GRIN2B: variants seen among roughly 807,000 people sequenced by gnomAD.
GRIN2B encodes the protein glutamate receptor ionotropic, NMDA 2B.
In GRIN2B, 5 loss-of-function variants were observed where a neutral mutation model predicts 114.5. The ratio of observed to expected loss-of-function variants is 0.04; its 90% CI spans 0.02 to 0.09. The LOEUF is 0.09. Among genes scored for constraint, GRIN2B ranks in the 10% least tolerant of loss-of-function variants. The pLI is 1.00. For missense variants in GRIN2B, 1,108 were observed against 1,943.5 expected (o/e 0.57, Z 8.08); for synonymous variants, 787 against 745.1 (o/e 1.06, Z -0.92).
chr12:13,921,218 G>A (rs1866817379), intron 2 of GRIN2B, among the ~76,000 whole-genome samples: 2 of 152,066 alleles, frequency 1.3e-5, no homozygotes, highest in Admixed American at 1.3e-4. Context: ...CCAATATGGT[G>A]AAACCCCATC....
chr12:13,873,692 C>T (rs1336573576), intron 2 of GRIN2B, among the ~76,000 whole-genome samples: 2 of 152,130 alleles, frequency 1.3e-5, no homozygotes, highest in Admixed American at 6.5e-5. Context: ...AGACTGTGCC[C>T]CTGTGAAACC....
chr12:13,643,527 CT>C, intron 5 of GRIN2B, among the ~76,000 whole-genome samples: 1 of 152,184 alleles, frequency 6.6e-6, no homozygotes, highest in Non-Finnish European at 1.5e-5. Context: ...GTAGTAGTTG[CT>C]GAAGAATGGG....
chr12:13,820,876 G>A (rs1158058844), intron 3 of GRIN2B, among the ~76,000 whole-genome samples: 1 of 152,036 alleles, frequency 6.6e-6, no homozygotes, highest in African/African-American at 2.4e-5. Context: ...CTACCAAGAA[G>A]AGCTTTCTAT....
chr12:13,690,801 T>G (rs1303152077), intron 4 of GRIN2B, among the ~76,000 whole-genome samples: 2 of 152,212 alleles, frequency 1.3e-5, no homozygotes, highest in East Asian at 3.9e-4. Flanking sequence ...TATTGCAGTT[T>G]GTGGCTATGA....
intron 3 of GRIN2B, among the ~76,000 whole-genome samples, chr12:13,813,035 GT>G (rs1470296311): frequency 1.3e-5 from 2 of 150,428 alleles, no homozygotes; most frequent in Non-Finnish European, 2.9e-5. Context: ...CGCCTCCCGG[GT>G]TCAAGCAATT....
At position 13,615,679 on chromosome 12, in the gene GRIN2B, A is replaced by T; in HGVS notation, c.1329-15T>A. The T allele has an allele frequency of 1.2e-6, 2 of 1,607,436 alleles. No individual in the cohort carries two copies. Among genetic ancestry groups the T allele is most frequent in the Non-Finnish European group, 1.7e-6 (2 of 1,173,972 alleles). On this transcript the variant is annotated splice_polypyrimidine_tract_variant and intron_variant, in intron 6 of 13. Coordinates refer to ENST00000609686, the MANE Select transcript of GRIN2B (RefSeq NM_000834.5). This position sits in a 1 kb window ranked among gnomAD's most constrained non-coding sequence, Gnocchi z 5.8. The stretch of plus-strand genomic sequence containing the variant: ...CTGTTTTATTCCTAGCCAATTAAAG[A>T]AACAAAAACAAACAAACAAAAAAGT...
chr12:13,754,915 T>C (rs1040253807), intron 3 of GRIN2B, among the ~76,000 whole-genome samples: 1 of 152,194 alleles, frequency 6.6e-6, no homozygotes, highest in African/African-American at 2.4e-5. Context: ...CCTGCTGTTC[T>C]GAGATATCAA....
chr12:13,934,588 C>G (rs1486614691), intron 2 of GRIN2B, among the ~76,000 whole-genome samples: 1 of 152,184 alleles, frequency 6.6e-6, no homozygotes, highest in Non-Finnish European at 1.5e-5. Context: ...CTCTTCCTAC[C>G]CCAGGTTGAT....
intron 3 of GRIN2B, among the ~76,000 whole-genome samples, chr12:13,823,165 A>G (rs369648850): frequency 1.3e-5 from 2 of 152,066 alleles, no homozygotes; most frequent in South Asian, 4.2e-4. Flanking sequence ...TATTTCCATA[A>G]ATTTTTTATA....
At chr12:13,569,616 A>G (rs1215962813) in intron 12 of GRIN2B, among the ~76,000 whole-genome samples, 1 of 152,206 alleles carries the variant, frequency 6.6e-6, no homozygotes, top group Non-Finnish European at 1.5e-5. Context: ...TGGAAATGTG[A>G]GACAAGACAT....
At chr12:13,778,590 C>T (rs1231111205) in intron 3 of GRIN2B, among the ~76,000 whole-genome samples, 2 of 151,596 alleles carry the variant, frequency 1.3e-5, no homozygotes, top group Admixed American at 6.6e-5. Context: ...CATTTACTAA[C>T]TAGTATAGAG....
chr12:13,806,582 G>T (rs1275014515), intron 3 of GRIN2B, among the ~76,000 whole-genome samples: 2 of 151,966 alleles, frequency 1.3e-5, no homozygotes, highest in Non-Finnish European at 2.9e-5. Context: ...TAGTTTTCTT[G>T]CTATTGAGTT....
At chr12:13,766,427 C>A (rs889640063) in intron 3 of GRIN2B, among the ~76,000 whole-genome samples, 16 of 152,124 alleles carry the variant, frequency 1.1e-4, no homozygotes, top group African/African-American at 3.9e-4. Context: ...AGTAAACATC[C>A]ATGTGCATTT....
chr12:13,791,459 A>T (rs548166716), intron 3 of GRIN2B, among the ~76,000 whole-genome samples: 3,588 of 132,008 alleles, frequency 0.027, 153 homozygotes, highest in African/African-American at 0.092. Context: ...CTCAAAAAAA[A>T]AAATAAAAAA....
chr12:13,952,808 A>G (rs895023828), intron 2 of GRIN2B, among the ~76,000 whole-genome samples: 1 of 151,988 alleles, frequency 6.6e-6, no homozygotes, highest in African/African-American at 2.4e-5. Flanking sequence ...TTTATAATGA[A>G]CACAACATAT....
At chr12:13,922,584 G>C (rs7962564) in intron 2 of GRIN2B, among the ~76,000 whole-genome samples, 4,242 of 152,294 alleles carry the variant, frequency 0.028, 202 homozygotes, top group African/African-American at 0.097. Flanking sequence ...CAACGATAAT[G>C]TACACAGGCA....
Position 13,866,134 on chromosome 12 carries a change from T to G in GRIN2B, c.75A>C (p.Arg25Ser), listed in dbSNP as rs948741015. ...TGGGGGGGCTCTTCTGAGAACGAGCTCTGCTGCCTGACACGGCCAGGACGG... is the reference window on the plus strand; with the variant it reads ...TGGGGGGGCTCTTCTGAGAACGAGCGCTGCTGCCTGACACGGCCAGGACGG... ...VLAVLAVSGSRARSQKSPPSI... is the reference protein window; with the variant it reads ...VLAVLAVSGSSARSQKSPPSI... The change falls in exon 3 of 14, where the codon AGA (arginine) becomes AGC (serine). Residue 25 changes from arginine (R) to serine (S), a missense_variant. Physicochemically the swap from Arg to Ser is moderately radical, Grantham distance 110. Coordinates refer to ENST00000609686, the MANE Select transcript of GRIN2B (RefSeq NM_000834.5). The G allele has an allele frequency of 5.6e-6, 9 of 1,613,678 alleles. No homozygotes were observed. Among genetic ancestry groups the G allele is most frequent in the Non-Finnish European group, 6.8e-6 (8 of 1,180,000 alleles).
chr12:13,910,545 T>C (rs180991213), intron 2 of GRIN2B, among the ~76,000 whole-genome samples: 51 of 152,336 alleles, frequency 3.3e-4, no homozygotes, highest in South Asian at 8.3e-4. Flanking sequence ...TCTTTGCCAC[T>C]GCTTTGGCTA....
intron 3 of GRIN2B, among the ~76,000 whole-genome samples, chr12:13,840,558 G>T (rs900275345): frequency 6.6e-6 from 1 of 151,872 alleles, no homozygotes; most frequent in African/African-American, 2.4e-5. Context: ...CAGGATTATA[G>T]AAAAATAAAA....
Sources: allele counts gnomAD v4.1 joint callset (sites outside exome capture counted in the v4.1 genomes callset), GRCh38; gene constraint gnomAD v4.1.1; non-coding constraint Gnocchi (gnomAD v3.1); transcripts MANE v1.5; gene names NCBI Gene and HGNC (gene_info 2026-07-23, HGNC 2026-07-21).